Variants in BMAL2 observed in about 807,000 individuals in gnomAD.
The protein encoded by BMAL2 is basic helix-loop-helix ARNT-like protein 2.
chr12:27,408,965 G>A, the BMAL2 span, among the ~76,000 whole-genome samples: 2,720 of 152,232 alleles, frequency 0.018, 42 homozygotes, highest in Middle Eastern at 0.038. Context: ...CAAACAGAGA[G>A]CCAAATCATG....
At chr12:27,406,301 C>T in the BMAL2 span, among the ~76,000 whole-genome samples, 2 of 152,086 alleles carry the variant, frequency 1.3e-5, no homozygotes, top group African/African-American at 2.4e-5. Flanking sequence ...TCAGATTCAC[C>T]AAAGTTGAAA....
At chr12:27,360,013 G>C in the BMAL2 span, among the ~76,000 whole-genome samples, 2 of 144,124 alleles carry the variant, frequency 1.4e-5, no homozygotes, top group African/African-American at 5.2e-5. Flanking sequence ...AGATTGTGCC[G>C]CTGCACTCCA....
chr12:27,405,456 G>A, the BMAL2 span, among the ~76,000 whole-genome samples: 6 of 152,212 alleles, frequency 3.9e-5, no homozygotes, highest in Admixed American at 2.6e-4. Flanking sequence ...CCGCTGTTCT[G>A]CAGCCTCCGC....
At chr12:27,403,029 C>A in the BMAL2 span, among the ~76,000 whole-genome samples, 27 of 152,282 alleles carry the variant, frequency 1.8e-4, no homozygotes, top group Admixed American at 1.8e-3. Flanking sequence ...TTTTTCAGCC[C>A]TAGCAGCTAA....
the BMAL2 span, among the ~76,000 whole-genome samples, chr12:27,361,090 C>T: frequency 2.6e-5 from 4 of 152,042 alleles, no homozygotes; most frequent in South Asian, 2.1e-4. Flanking sequence ...GCCATTTTGC[C>T]GTGGCTTCTG....
At chr12:27,345,283 A>G in the BMAL2 span, among the ~76,000 whole-genome samples, 1 of 152,216 alleles carries the variant, frequency 6.6e-6, no homozygotes, top group Non-Finnish European at 1.5e-5. Flanking sequence ...GTGGCATTGA[A>G]ATTCATTCTA....
the BMAL2 span, among the ~76,000 whole-genome samples, chr12:27,378,785 T>C: frequency 1.3e-5 from 2 of 152,132 alleles, no homozygotes; most frequent in Non-Finnish European, 2.9e-5. Context: ...TAAAAGGTTT[T>C]GGGGTAATGC....
the BMAL2 span, chr12:27,415,874 A>G: frequency 3.1e-6 from 5 of 1,602,440 alleles, no homozygotes; most frequent in Non-Finnish European, 4.3e-6. Context: ...TAAAGGTTAC[A>G]GTCTTCTTCA....
At chr12:27,333,763 G>A in the BMAL2 span, among the ~76,000 whole-genome samples, 1 of 152,244 alleles carries the variant, frequency 6.6e-6, no homozygotes, top group Non-Finnish European at 1.5e-5. Flanking sequence ...CAGGAAAGCC[G>A]TCAGTGGAGT....
the BMAL2 span, among the ~76,000 whole-genome samples, chr12:27,353,752 G>A: frequency 2.6e-5 from 4 of 151,706 alleles, no homozygotes; most frequent in African/African-American, 7.3e-5. Flanking sequence ...TTAAAAAAAC[G>A]GGCAAAGGGC....
chr12:27,338,638 T>C, the BMAL2 span, among the ~76,000 whole-genome samples: 6 of 152,214 alleles, frequency 3.9e-5, no homozygotes, highest in African/African-American at 9.6e-5. Context: ...TCATTTTCTA[T>C]TGGGCTTCCC....
chr12:27,410,685 T>C, the BMAL2 span, among the ~76,000 whole-genome samples: 1 of 152,132 alleles, frequency 6.6e-6, no homozygotes, highest in Non-Finnish European at 1.5e-5. Flanking sequence ...ACATGTCACA[T>C]GTATACATAT....
the BMAL2 span, among the ~76,000 whole-genome samples, chr12:27,363,276 A>G: frequency 6.6e-5 from 10 of 152,206 alleles, no homozygotes; most frequent in East Asian, 1.2e-3. Flanking sequence ...ATTACAAGCA[A>G]TGTTGCTAAT....
the BMAL2 span, among the ~76,000 whole-genome samples, chr12:27,390,741 T>C: frequency 6.6e-6 from 1 of 152,206 alleles, no homozygotes; most frequent in Non-Finnish European, 1.5e-5. Context: ...CTTGCAGATA[T>C]TTACTTTTTG....
the BMAL2 span, chr12:27,333,081 G>GC: frequency 2.5e-6 from 3 of 1,205,322 alleles, no homozygotes; most frequent in Admixed American, 8.8e-5. Flanking sequence ...CGATGGCGGC[G>GC]GAAGAGGAGG....
the BMAL2 span, among the ~76,000 whole-genome samples, chr12:27,334,331 G>C: frequency 1.3e-5 from 2 of 152,186 alleles, no homozygotes; most frequent in African/African-American, 4.8e-5. Context: ...CTGTAAAATG[G>C]AGATAACTAT....
chr12:27,362,826 T>C, the BMAL2 span, among the ~76,000 whole-genome samples: 1 of 152,126 alleles, frequency 6.6e-6, no homozygotes. Flanking sequence ...TTGTTGTTTG[T>C]TTTAGAAGAC....
At chr12:27,349,420 A>G in the BMAL2 span, among the ~76,000 whole-genome samples, 1 of 152,214 alleles carries the variant, frequency 6.6e-6, no homozygotes, top group African/African-American at 2.4e-5. Context: ...AAGAGGAAGG[A>G]AAAATTTATA....
the BMAL2 span, among the ~76,000 whole-genome samples, chr12:27,373,784 G>A: frequency 6.6e-6 from 1 of 152,180 alleles, no homozygotes; most frequent in African/African-American, 2.4e-5. Context: ...TCAAAATGCA[G>A]TGAAAATAGT....
Sources: allele counts gnomAD v4.1 joint callset (sites outside exome capture counted in the v4.1 genomes callset), GRCh38; gene constraint gnomAD v4.1.1; transcripts MANE v1.5; gene names NCBI Gene and HGNC (gene_info 2026-07-23, HGNC 2026-07-21).